CATSPERT: variants seen among roughly 807,000 people sequenced by gnomAD.
The protein encoded by CATSPERT is catsper channel auxiliary subunit tau.
the CATSPERT span, among the ~76,000 whole-genome samples, chr2:201,517,329 C>T: frequency 6.6e-6 from 1 of 152,148 alleles, no homozygotes; most frequent in Non-Finnish European, 1.5e-5. Context: ...CCTCCCCAAC[C>T]CCTGCCTCAT....
chr2:201,615,210 T>C, the CATSPERT span, among the ~76,000 whole-genome samples: 1 of 152,162 alleles, frequency 6.6e-6, no homozygotes, highest in Non-Finnish European at 1.5e-5. Flanking sequence ...GCAGACCTAA[T>C]AGACATCTAC....
the CATSPERT span, chr2:201,565,963 T>C: frequency 1.6e-5 from 20 of 1,225,204 alleles, no homozygotes; most frequent in Admixed American, 5.9e-4. Context: ...CCCTTCTCTT[T>C]TACACTTTTA....
At chr2:201,496,924 A>G in the CATSPERT span, among the ~76,000 whole-genome samples, 1 of 152,212 alleles carries the variant, frequency 6.6e-6, no homozygotes. Context: ...CAATCCAGAT[A>G]GCAGTGAGGG....
the CATSPERT span, among the ~76,000 whole-genome samples, chr2:201,595,250 G>A: frequency 1.3e-5 from 2 of 150,586 alleles, no homozygotes; most frequent in Non-Finnish European, 1.5e-5. Context: ...GTGCAGTGGC[G>A]GGATCTCGGC....
At chr2:201,605,059 T>TA in the CATSPERT span, among the ~76,000 whole-genome samples, 1 of 149,860 alleles carries the variant, frequency 6.7e-6, no homozygotes, top group Admixed American at 6.7e-5. Context: ...TATATATACA[T>TA]ACACACACAC....
the CATSPERT span, chr2:201,493,804 AT>A: frequency 1.3e-6 from 2 of 1,536,278 alleles, no homozygotes; most frequent in African/African-American, 2.7e-5. Context: ...TACTTCGCTT[AT>A]TAAATGTTTC....
At chr2:201,607,009 A>C in the CATSPERT span, among the ~76,000 whole-genome samples, 1 of 151,336 alleles carries the variant, frequency 6.6e-6, no homozygotes, top group Non-Finnish European at 1.5e-5. Context: ...AAACAACTAT[A>C]ATAAATAGTA....
chr2:201,563,185 G>GC, the CATSPERT span, among the ~76,000 whole-genome samples: 1 of 117,890 alleles, frequency 8.5e-6, no homozygotes, highest in African/African-American at 3.2e-5. Context: ...GGCTGGCCGG[G>GC]CGGGGGCTGA....
At chr2:201,565,640 C>A in the CATSPERT span, 8 of 1,325,702 alleles carry the variant, frequency 6.0e-6, no homozygotes, top group Non-Finnish European at 7.9e-6. Flanking sequence ...AAGCCTATGT[C>A]TCAAAGGGAG....
At chr2:201,591,539 G>A in the CATSPERT span, among the ~76,000 whole-genome samples, 3 of 152,024 alleles carry the variant, frequency 2.0e-5, no homozygotes, top group African/African-American at 7.2e-5. Context: ...TTGGTAGCTT[G>A]ATGGGGATGG....
At chr2:201,589,885 A>G in the CATSPERT span, among the ~76,000 whole-genome samples, 1 of 152,178 alleles carries the variant, frequency 6.6e-6, no homozygotes, top group Non-Finnish European at 1.5e-5. Flanking sequence ...TCCAGCATCT[A>G]TATGGAACTT....
At chr2:201,585,695 T>C in the CATSPERT span, among the ~76,000 whole-genome samples, 2 of 152,194 alleles carry the variant, frequency 1.3e-5, no homozygotes, top group Non-Finnish European at 2.9e-5. Flanking sequence ...CTAAGATCCT[T>C]GCTCTTCCCA....
chr2:201,597,270 G>T, the CATSPERT span, among the ~76,000 whole-genome samples: 3 of 152,090 alleles, frequency 2.0e-5, no homozygotes, highest in African/African-American at 7.3e-5. Flanking sequence ...CTCTGAATTC[G>T]GACTTCTGAA....
the CATSPERT span, among the ~76,000 whole-genome samples, chr2:201,549,322 TTTAA>T: frequency 6.6e-6 from 1 of 152,078 alleles, no homozygotes; most frequent in East Asian, 1.9e-4. Context: ...GGCTCATTTA[TTTAA>T]TTAATAACAT....
chr2:201,559,183 A>T, the CATSPERT span, among the ~76,000 whole-genome samples: 11 of 152,128 alleles, frequency 7.2e-5, no homozygotes, highest in African/African-American at 2.7e-4. Flanking sequence ...TACCCCCAAT[A>T]AGGGCCAGAG....
the CATSPERT span, among the ~76,000 whole-genome samples, chr2:201,520,020 A>G: frequency 1.3e-5 from 2 of 152,216 alleles, no homozygotes; most frequent in Non-Finnish European, 2.9e-5. Flanking sequence ...GGATAGCTAT[A>G]CCTATATCAG....
At chr2:201,539,511 G>GTTTTTTT in the CATSPERT span, among the ~76,000 whole-genome samples, 3 of 89,760 alleles carry the variant, frequency 3.3e-5, no homozygotes, top group Non-Finnish European at 4.2e-5. Context: ...TTTTAACGAG[G>GTTTTTTT]TTTTTTTTTT....
chr2:201,548,002 A>G, the CATSPERT span, among the ~76,000 whole-genome samples: 1 of 152,160 alleles, frequency 6.6e-6, no homozygotes, highest in Non-Finnish European at 1.5e-5. Context: ...CGTCTTAGTC[A>G]GTTTGAGCTG....
the CATSPERT span, among the ~76,000 whole-genome samples, chr2:201,588,184 T>G: frequency 6.6e-6 from 1 of 151,426 alleles, no homozygotes; most frequent in Admixed American, 6.6e-5. Flanking sequence ...TGGCAGAGAT[T>G]CAACAAAAAA....
Sources: allele counts gnomAD v4.1 joint callset (sites outside exome capture counted in the v4.1 genomes callset), GRCh38; gene constraint gnomAD v4.1.1; transcripts MANE v1.5; gene names NCBI Gene and HGNC (gene_info 2026-07-23, HGNC 2026-07-21).